Variants in VPS8 observed in about 807,000 individuals in gnomAD.
VPS8 encodes the protein VPS8 subunit of CORVET complex, also known as vacuolar protein sorting-associated protein 8 homolog.
Under a neutral mutation model 216.4 loss-of-function variants are expected in VPS8, and 129 were observed. That is an observed-to-expected ratio of 0.60 (90% CI 0.52 to 0.69). The LOEUF (loss-of-function observed/expected upper bound fraction) is 0.69, where lower values mean the gene tolerates loss of function less well. Ranked by LOEUF, VPS8 falls within the 30% of genes least tolerant of loss-of-function variation. The pLI is 0.00. For missense variants in VPS8, 1,531 were observed against 1,683.5 expected (o/e 0.91, Z 1.59); for synonymous variants, 571 against 565.4 (o/e 1.01, Z -0.14).
chr3:184,944,624 T>C, intron 36 of VPS8: 1 of 977,288 alleles, frequency 1.0e-6, no homozygotes, highest in Non-Finnish European at 1.2e-6. Context: ...TTTTCCTCAG[T>C]ATGATTTTCC....
Position 184,994,083 on chromosome 3 carries a change from C to CA in VPS8, c.3666+21dup, listed in dbSNP as rs537084034. 128 of 1,488,544 alleles carry CA rather than the reference C, an allele frequency of 8.6e-5. 3 individuals are homozygous for CA. In the South Asian group the frequency reaches 1.1e-3, roughly 13 times the overall value. 92.2% of individuals were successfully genotyped at this position (1,488,544 alleles called of 1,614,324 possible). ...GAACAAGTAAGTAAGCTACTTGTTA[C>CA]ATCTAAGTCTGTCCTAAGGTAGAAA... is the stretch of plus-strand genomic sequence containing the variant. On this transcript the variant is annotated intron_variant, in intron 43 of 47. Coordinates refer to ENST00000625842, the MANE Select transcript of VPS8 (RefSeq NM_001009921.3).
intron 21 of VPS8, among the ~76,000 whole-genome samples, chr3:184,885,060 T>C (rs963270610): frequency 2.6e-5 from 4 of 152,220 alleles, no homozygotes; most frequent in Non-Finnish European, 5.9e-5. Context: ...CATGTAGTCA[T>C]GAATAATATT....
intron 3 of VPS8, 54 bp downstream of exon 3, chr3:184,826,285 C>A (rs1322655892): frequency 6.8e-7 from 1 of 1,468,606 alleles, no homozygotes; most frequent in South Asian, 1.2e-5. Flanking sequence ...CATCTTAATA[C>A]TTTTTGGATT....
In VPS8 at chr3:184,932,508, TC is replaced by T. The variant is rs1423432879; in HGVS notation, c.2898+1942del. On this transcript the variant is annotated intron_variant, in intron 34 of 47. Transcript: ENST00000625842. ...TTAATTAAAAATGGAAAAGCAAACATCCTAGGTCCTCAACAAGAAATATGAT... is the reference window on the plus strand; with the variant it reads ...TTAATTAAAAATGGAAAAGCAAACATCTAGGTCCTCAACAAGAAATATGAT... Among the ~76,000 whole-genome samples the T allele has an allele frequency of 6.6e-5, 10 of 152,254 alleles. No individual in the cohort carries two copies. The South Asian group carries it at 1.9e-3, about 28-fold the overall frequency.
intron 1 of VPS8, 125 bp downstream of exon 1, chr3:184,812,350 G>C (rs9818066): frequency 0.2 from 30,778 of 152,226 alleles, 6,771 homozygotes; most frequent in African/African-American, 0.55. Context: ...GACAGCGGCG[G>C]GACCTCGGGG....
chr3:184,981,885 G>A (rs1237913739), intron 40 of VPS8, among the ~76,000 whole-genome samples: 2 of 151,928 alleles, frequency 1.3e-5, no homozygotes, highest in Admixed American at 1.3e-4. Context: ...ACTGTATAAG[G>A]TTATTATGAG....
At chr3:184,992,527 TA>T (rs2109839184) in intron 42 of VPS8, among the ~76,000 whole-genome samples, 1 of 152,180 alleles carries the variant, frequency 6.6e-6, no homozygotes, top group East Asian at 1.9e-4. Flanking sequence ...GAAGTTTTTG[TA>T]ACCTCTCTAA....
At chr3:185,002,007 C>T (rs1753484338) in intron 45 of VPS8, among the ~76,000 whole-genome samples, 1 of 152,064 alleles carries the variant, frequency 6.6e-6, no homozygotes, top group South Asian at 2.1e-4. Flanking sequence ...GTTAGCTTCC[C>T]TTGAAGGGAA....
chr3:185,000,127 CAT>C (rs1295530919), intron 45 of VPS8, among the ~76,000 whole-genome samples: 1 of 152,208 alleles, frequency 6.6e-6, no homozygotes, highest in Non-Finnish European at 1.5e-5. Context: ...GGTGTACACA[CAT>C]GAGCCTGCTT....
chr3:185,012,225 A>G (rs1256333184), intron 45 of VPS8, among the ~76,000 whole-genome samples: 1 of 148,478 alleles, frequency 6.7e-6, no homozygotes, highest in Non-Finnish European at 1.5e-5. Context: ...TTTTATAGAT[A>G]TATATTAATG....
chr3:185,044,988 G>T (rs950542074), intron 46 of VPS8, among the ~76,000 whole-genome samples: 2 of 152,126 alleles, frequency 1.3e-5, no homozygotes, highest in African/African-American at 4.8e-5. Flanking sequence ...TTTGATTTAG[G>T]CAAAACTTTT....
intron 46 of VPS8, among the ~76,000 whole-genome samples, chr3:185,026,428 T>C (rs1327657293): frequency 6.8e-5 from 10 of 147,414 alleles, no homozygotes; most frequent in Non-Finnish European, 1.5e-4. Context: ...TTTTTTTTTT[T>C]TGAGATGGAG....
At chr3:184,893,660 A>G (rs567550541) in intron 22 of VPS8, among the ~76,000 whole-genome samples, 12 of 152,356 alleles carry the variant, frequency 7.9e-5, no homozygotes, top group Non-Finnish European at 1.5e-4. Context: ...ATAATTTCAT[A>G]GCACATTTCA....
chr3:184,899,302 A>G (rs1009346245), intron 24 of VPS8, among the ~76,000 whole-genome samples: 1 of 152,226 alleles, frequency 6.6e-6, no homozygotes, highest in South Asian at 2.1e-4. Flanking sequence ...TCCTAGCCCA[A>G]TGCTTTATTA....
chr3:184,878,338 T>G (rs1729649485), intron 21 of VPS8, among the ~76,000 whole-genome samples: 1 of 152,152 alleles, frequency 6.6e-6, no homozygotes, highest in African/African-American at 2.4e-5. Context: ...CTCAAACTTC[T>G]GACCTCATGA....
intron 21 of VPS8, among the ~76,000 whole-genome samples, chr3:184,873,644 C>T (rs1044494683): frequency 1.6e-4 from 24 of 152,116 alleles, no homozygotes; most frequent in Admixed American, 3.9e-4. Flanking sequence ...CACACTATAC[C>T]ACAGAACAAT....
chr3:184,910,001 G>C (rs1736180853), intron 25 of VPS8, among the ~76,000 whole-genome samples: 2 of 152,080 alleles, frequency 1.3e-5, no homozygotes, highest in South Asian at 4.2e-4. Context: ...TCTCTCCTCA[G>C]GTCATTTCTG....
Position 184,869,494 on chromosome 3 carries a change from A to T in VPS8, c.1610A>T (p.Asp537Val), listed in dbSNP as rs772837240. 5.6e-6 allele frequency: 9 copies of T among 1,613,368 alleles called. No homozygotes were observed. Among genetic ancestry groups the T allele is most frequent in the African/African-American group, 2.7e-5 (2 of 74,876 alleles). ...TCCTTCTCTGCAGGATTATCAGGGG[A>T]TGCCAGTAAGCGAAAGGCTATTGTT... The part of the protein sequence containing the change: ...KAKAVVGLSG[D>V]ASKRKAIVAD... Residue 537 changes from aspartate to valine, a missense_variant, in exon 20 of 48, where the codon GAT becomes GTT. Asp to Val is a radical substitution (Grantham distance 152). Transcript: ENST00000625842.
chr3:184,996,384 T>C lies in VPS8; in HGVS notation c.3719T>C (p.Leu1240Ser), dbSNP rs1752617020. The C allele has an allele frequency of 1.2e-6, 2 of 1,613,872 alleles. No individual in the cohort carries two copies. The highest frequency in any genetic ancestry group is 1.7e-6 in the Non-Finnish European group (2 of 1,179,798). Residue 1240 changes from leucine (L) to serine (S), a missense_variant, in exon 44 of 48, where the codon TTG becomes TCG. Leu to Ser is a moderately radical substitution (Grantham distance 145). Around this residue, in one of 3 missense-constraint regions of VPS8, gnomAD observed 1,318 missense variants for 1,468.4 expected, o/e 0.90. Coordinates refer to ENST00000625842, the MANE Select transcript of VPS8 (RefSeq NM_001009921.3). ...CTAAACCAAGATCTCCATTGGTCAT[T>C]GTGTAACCTGAGAGCTTCGGTCACC... ...SLLNQDLHWSLCNLRASVTRG... is the reference protein window; with the variant it reads ...SLLNQDLHWSSCNLRASVTRG...
Sources: gnomAD v4.1 joint callset for allele counts (sites outside exome capture counted in the v4.1 genomes callset) on GRCh38, gnomAD v4.1.1 for gene constraint, gnomAD v4.1.1 regional missense constraint, MANE v1.5 for transcripts, NCBI Gene and HGNC (gene_info 2026-07-23, HGNC 2026-07-21) for gene names.